The following SUN3 variants were observed in gnomAD, a reference collection of about 807,000 sequenced individuals.
SUN3 encodes Sad1 and UNC84 domain containing 3, also known as SUN domain-containing protein 3.
SUN3 carries 36 observed loss-of-function variants against 48.2 expected under a neutral mutation model. The observed-to-expected ratio is 0.75, with a 90% CI of 0.57 to 0.99. The LOEUF (loss-of-function observed/expected upper bound fraction) is 0.99, where lower values mean the gene tolerates loss of function less well. Among genes scored for constraint, SUN3 ranks in the 50% least tolerant of loss-of-function variants. The pLI is 0.00. For missense variants in SUN3, 419 were observed against 433.1 expected, an observed-to-expected ratio of 0.97 and a Z score of 0.29; for synonymous variants, 148 against 147.9, an observed-to-expected ratio of 1.00 and a Z score of 0.00.
intron 2 of SUN3, among the ~76,000 whole-genome samples, chr7:48,022,645 T>C (rs1790031570): frequency 6.6e-6 from 1 of 151,342 alleles, no homozygotes; most frequent in Non-Finnish European, 1.5e-5. Context: ...TAAAAAGCCA[T>C]GAATCTACAC....
intron 6 of SUN3, among the ~76,000 whole-genome samples, chr7:48,003,926 AGG>A (rs1789457485): frequency 6.6e-6 from 1 of 152,046 alleles, no homozygotes; most frequent in African/African-American, 2.4e-5. Flanking sequence ...TGCCCTGGAG[AGG>A]ACTTCTAATA....
upstream of SUN3, among the ~76,000 whole-genome samples, chr7:48,030,678 T>C (rs542774530): frequency 1.3e-5 from 2 of 152,340 alleles, no homozygotes; most frequent in South Asian, 2.1e-4. Context: ...CTGTCTCATA[T>C]TGATGGGCAG....
In SUN3 at chr7:48,028,822, C is replaced by G. The variant is rs758044845; in HGVS notation, c.117G>C (p.Ala39=). Residue 39 remains alanine (A), a synonymous_variant, in exon 1 of 10, where the codon GCG becomes GCC. Coordinates refer to ENST00000297325, the MANE Select transcript of SUN3 (RefSeq NM_001030019.2). ...ALLSEDENPD[A]NGVTRSWKII... is the part of the protein sequence containing the mutation. ...GTTCTGCCATGTTTACCTACCCATTCGCATCAGGATTTTCGTCCTCTGATA... is the reference window on the plus strand; with the variant it reads ...GTTCTGCCATGTTTACCTACCCATTGGCATCAGGATTTTCGTCCTCTGATA... The G allele has an allele frequency of 6.2e-7, 1 of 1,613,568 alleles. No homozygotes were observed. The highest frequency in any genetic ancestry group is 8.5e-7 in the Non-Finnish European group (1 of 1,179,730).
chr7:48,001,261 C>T (rs1157643248), intron 6 of SUN3, among the ~76,000 whole-genome samples: 1 of 152,102 alleles, frequency 6.6e-6, no homozygotes, highest in African/African-American at 2.4e-5. Flanking sequence ...CCAATAGGCC[C>T]CAGTGTGTGT....
intron 6 of SUN3, among the ~76,000 whole-genome samples, chr7:47,996,990 C>T (rs1789231402): frequency 6.6e-6 from 1 of 151,942 alleles, no homozygotes; most frequent in African/African-American, 2.4e-5. Context: ...TTAGTAGAGA[C>T]AGGGTTTCAC....
intron 7 of SUN3, among the ~76,000 whole-genome samples, chr7:47,995,611 T>A (rs1287930374): frequency 6.6e-6 from 1 of 152,180 alleles, no homozygotes; most frequent in African/African-American, 2.4e-5. Flanking sequence ...CCTGTTATAA[T>A]TAGACTTAAG....
chr7:47,993,082 G>GA lies in SUN3; in HGVS notation c.861+1232dup, dbSNP rs199974909. On this transcript the variant is annotated intron_variant, in intron 8 of 9. Transcript: ENST00000297325. Reference sequence around the variant, plus strand: ...CAACAGAGCTGAGACCCTGTCTCAAGAAAAAAAAAATGTAAAGCAATTATT... The same window carrying GA: ...CAACAGAGCTGAGACCCTGTCTCAAGAAAAAAAAAAATGTAAAGCAATTATT... Among the ~76,000 whole-genome samples the GA allele has an allele frequency of 4.6e-3, 672 of 146,170 alleles. 3 individuals carry two copies. The highest frequency in any genetic ancestry group is 0.015 in the African/African-American group (618 of 39,972).
At chr7:48,025,817 C>A in intron 2 of SUN3, 60 bp downstream of exon 2, 2 of 1,188,712 alleles carry the variant, frequency 1.7e-6, no homozygotes, top group South Asian at 2.7e-5. Context: ...TGAGATCTCT[C>A]TCACCAGGCA....
intron 2 of SUN3, among the ~76,000 whole-genome samples, chr7:48,024,503 G>T (rs1265497908): frequency 6.6e-6 from 1 of 151,954 alleles, no homozygotes; most frequent in African/African-American, 2.4e-5. Flanking sequence ...AAAAAAAAAG[G>T]AAAAAAATGA....
chr7:47,994,549 G>A, intron 7 of SUN3, 67 bp from the exon 8 acceptor site: 1 of 1,469,570 alleles, frequency 6.8e-7, no homozygotes, highest in Non-Finnish European at 9.1e-7. Context: ...ATACTGGTCA[G>A]CTAATCACTA....
intron 6 of SUN3, 123 bp from the exon 7 acceptor site, chr7:47,996,269 C>A (rs1789209274): frequency 7.1e-6 from 4 of 566,000 alleles, no homozygotes; most frequent in South Asian, 2.7e-5. Flanking sequence ...AGGTAAAATT[C>A]ATACTCAGGA....
At chr7:47,999,052 T>C (rs1789288580) in intron 6 of SUN3, among the ~76,000 whole-genome samples, 1 of 152,212 alleles carries the variant, frequency 6.6e-6, no homozygotes, top group Non-Finnish European at 1.5e-5. Flanking sequence ...GGGATTTTAA[T>C]TAGGATTATA....
chr7:47,999,680 G>T (rs1318520934), intron 6 of SUN3, among the ~76,000 whole-genome samples: 10 of 152,206 alleles, frequency 6.6e-5, no homozygotes, highest in African/African-American at 9.7e-5. Context: ...AGGATTACAG[G>T]CGTGCGCCAC....
upstream of SUN3, among the ~76,000 whole-genome samples, chr7:48,031,552 T>G (rs553473286): frequency 3.0e-4 from 45 of 152,178 alleles, no homozygotes; most frequent in Non-Finnish European, 5.9e-4. Context: ...TAAAGATAAG[T>G]GTAGGCAAGA....
Position 47,998,322 on chromosome 7 carries a change from T to G in SUN3, c.578-2176A>C, listed in dbSNP as rs548884096. Among the ~76,000 whole-genome samples the G allele has an allele frequency of 4.6e-5, 7 of 152,364 alleles. 1 individual carries two copies. In the South Asian group the frequency reaches 1.4e-3, roughly 32 times the overall value. ...TGACATTTCACTAATGAATAATTAA[T>G]GTAAGGCATTTTTTCATATACTTTT... On this transcript the variant is annotated intron_variant, in intron 6 of 9. Coordinates refer to ENST00000297325, the MANE Select transcript of SUN3 (RefSeq NM_001030019.2).
At chr7:47,997,655 C>T (rs986911429) in intron 6 of SUN3, among the ~76,000 whole-genome samples, 2 of 152,160 alleles carry the variant, frequency 1.3e-5, no homozygotes, top group African/African-American at 4.8e-5. Context: ...TAGAGTTGCA[C>T]GGCCACCACA....
At position 48,007,169 on chromosome 7, in the gene SUN3, G is replaced by A; in HGVS notation, c.488C>T (p.Thr163Ile). 2.5e-6 allele frequency: 4 copies of A among 1,612,114 alleles called. No homozygotes were observed. Among genetic ancestry groups the A allele is most frequent in the Non-Finnish European group, 3.4e-6 (4 of 1,178,868 alleles). Residue 163 changes from threonine to isoleucine, a missense_variant, in exon 5 of 10, where the codon ACA (threonine) becomes ATA (isoleucine). Physicochemically the swap from Thr to Ile is moderately conservative, Grantham distance 89. Coordinates refer to ENST00000297325, the MANE Select transcript of SUN3 (RefSeq NM_001030019.2). ...CCGCCTAGCCTCATCCAGGACCTCTGTGTGGTCCGGGTCCTCCACAGGGTC... is the reference window on the plus strand; with the variant it reads ...CCGCCTAGCCTCATCCAGGACCTCTATGTGGTCCGGGTCCTCCACAGGGTC... ...HGDPVEDPDH[T>I]EEVSNLVNYV...
chr7:48,022,318 A>G (rs532376061), intron 2 of SUN3, among the ~76,000 whole-genome samples: 23 of 152,268 alleles, frequency 1.5e-4, no homozygotes, highest in Non-Finnish European at 2.8e-4. Context: ...AATAGGTACA[A>G]AAAATAGAAA....
intron 6 of SUN3, among the ~76,000 whole-genome samples, chr7:48,000,437 C>A (rs1789331275): frequency 6.6e-6 from 1 of 152,362 alleles, no homozygotes; most frequent in African/African-American, 2.4e-5. Context: ...CTGTGCCGGG[C>A]CACCTCATCT....
Sources: allele counts gnomAD v4.1 joint callset (sites outside exome capture counted in the v4.1 genomes callset), GRCh38; gene constraint gnomAD v4.1.1; transcripts MANE v1.5; gene names NCBI Gene and HGNC (gene_info 2026-07-23, HGNC 2026-07-21).